Variants in PLPPR1 observed in about 807,000 individuals in gnomAD.
The protein encoded by PLPPR1 is phospholipid phosphatase related 1, also known as phospholipid phosphatase-related protein type 1.
PLPPR1 carries 10 observed loss-of-function variants against 33.1 expected under a neutral mutation model. The observed-to-expected ratio is 0.30, with a 90% CI of 0.19 to 0.51. The LOEUF (loss-of-function observed/expected upper bound fraction) is 0.51, where lower values mean the gene tolerates loss of function less well. Among genes scored for constraint, PLPPR1 ranks in the 20% least tolerant of loss-of-function variants. The pLI, the probability that PLPPR1 is intolerant of heterozygous loss-of-function variation, is 0.97. For synonymous variants in PLPPR1, 151 were observed against 151.0 expected (o/e 1.00, Z 0.00); for missense variants, 304 against 408.1 (o/e 0.74, Z 2.20).
At chr9:101,262,126 A>G (rs904021252) in intron 2 of PLPPR1, among the ~76,000 whole-genome samples, 5 of 152,222 alleles carry the variant, frequency 3.3e-5, no homozygotes, top group African/African-American at 1.2e-4. Context: ...AAAGATACAC[A>G]GTCTATCTAC....
chr9:101,060,715 G>A (rs1830336433), intron 1 of PLPPR1, among the ~76,000 whole-genome samples: 1 of 151,388 alleles, frequency 6.6e-6, no homozygotes, highest in African/African-American at 2.4e-5. Flanking sequence ...CAAGATACAG[G>A]GATTTTATAC....
At chr9:101,127,035 A>G (rs1383667431) in intron 1 of PLPPR1, among the ~76,000 whole-genome samples, 2 of 117,360 alleles carry the variant, frequency 1.7e-5, no homozygotes, top group Admixed American at 1.6e-4. Flanking sequence ...CTAAAGAGTG[A>G]TAAGAAATTC....
At chr9:101,169,670 A>C (rs550277737) in intron 1 of PLPPR1, among the ~76,000 whole-genome samples, 2 of 148,846 alleles carry the variant, frequency 1.3e-5, no homozygotes, top group African/African-American at 4.9e-5. Context: ...TTTTAAAAAA[A>C]AATTGCTTTT....
At chr9:101,167,203 A>G (rs1825873835) in intron 1 of PLPPR1, among the ~76,000 whole-genome samples, 1 of 31,362 alleles carries the variant, frequency 3.2e-5, no homozygotes, top group South Asian at 1.1e-3. Context: ...TCTCTCTCAC[A>G]CACACACACA....
rs112377534 is a variant in PLPPR1, at chr9:101,219,959, T to A, written c.63+34402T>A. On this transcript the variant is annotated intron_variant, in intron 2 of 7. Transcript: ENST00000374874. ...TCATCGTGCCAGTGTCCTTTTTTCA[T>A]TTCCCCATAGTATTCTGGCAGAAAT... 1.1e-3 allele frequency among the ~76,000 whole-genome samples: 164 copies of A among 152,318 alleles called. 1 individual carries two copies. The highest frequency in any genetic ancestry group is 3.8e-3 in the African/African-American group (159 of 41,572).
intron 1 of PLPPR1, among the ~76,000 whole-genome samples, chr9:101,156,946 A>T (rs550315908): frequency 6.6e-6 from 1 of 152,208 alleles, no homozygotes; most frequent in African/African-American, 2.4e-5. Flanking sequence ...TTGTCTTTAT[A>T]TACTGGTGAG....
intron 2 of PLPPR1, among the ~76,000 whole-genome samples, chr9:101,216,191 T>C (rs1826791585): frequency 6.6e-6 from 1 of 152,204 alleles, no homozygotes; most frequent in African/African-American, 2.4e-5. Flanking sequence ...AACATTCATT[T>C]TGCCTATTTT....
At chr9:101,148,229 C>T (rs1377444402) in intron 1 of PLPPR1, among the ~76,000 whole-genome samples, 1 of 152,144 alleles carries the variant, frequency 6.6e-6, no homozygotes, top group Non-Finnish European at 1.5e-5. Flanking sequence ...TTACTTCAGT[C>T]CCATATTTCA....
chr9:101,158,584 G>A (rs1014068934), intron 1 of PLPPR1, among the ~76,000 whole-genome samples: 4 of 152,192 alleles, frequency 2.6e-5, no homozygotes, highest in Non-Finnish European at 4.4e-5. Flanking sequence ...ATCATGAGTC[G>A]CTGGAACTTA....
At chr9:101,242,125 A>G (rs866070047) in intron 2 of PLPPR1, among the ~76,000 whole-genome samples, 2 of 151,942 alleles carry the variant, frequency 1.3e-5, no homozygotes, top group Non-Finnish European at 1.5e-5. Flanking sequence ...CAGCACCAAC[A>G]TGTGTCCTCT....
intron 2 of PLPPR1, among the ~76,000 whole-genome samples, chr9:101,209,411 T>C (rs1826648471): frequency 1.3e-5 from 2 of 152,230 alleles, no homozygotes; most frequent in African/African-American, 4.8e-5. Flanking sequence ...CCAACCTTAA[T>C]TGTGGAATGA....
intron 1 of PLPPR1, among the ~76,000 whole-genome samples, chr9:101,110,838 G>T (rs982956191): frequency 1.3e-5 from 2 of 152,222 alleles, no homozygotes; most frequent in South Asian, 2.1e-4. Flanking sequence ...TTTATAAAGA[G>T]CCTTAAGATG....
chr9:101,087,829 T>C (rs779798952), intron 1 of PLPPR1, among the ~76,000 whole-genome samples: 32 of 152,364 alleles, frequency 2.1e-4, no homozygotes, highest in Admixed American at 1.2e-3. Flanking sequence ...TATTATTTTA[T>C]TCAGAATTGT....
rs112012760 is a variant in PLPPR1 at position 101,176,371 on chromosome 9, G to A, written c.-45-9079G>A. Among the ~76,000 whole-genome samples the A allele has an allele frequency of 9.2e-4, 140 of 152,096 alleles. 1 individual carries two copies. In the East Asian group the frequency reaches 0.025, roughly 28 times the overall value. ...AGCAATGAGTATCTTCCCTTCCATG[G>A]TGTTAAGAGAGAATATGTGGGGAGC... On this transcript the variant is annotated intron_variant, in intron 1 of 7. Transcript: ENST00000374874.
intron 1 of PLPPR1, among the ~76,000 whole-genome samples, chr9:101,078,850 A>AG (rs1830582034): frequency 6.6e-6 from 1 of 152,104 alleles, no homozygotes; most frequent in Admixed American, 6.5e-5. Context: ...CATACAGAAA[A>AG]ACTCAGCCCT....
intron 1 of PLPPR1, among the ~76,000 whole-genome samples, chr9:101,171,512 T>C (rs1825940635): frequency 6.6e-6 from 1 of 152,148 alleles, no homozygotes; most frequent in African/African-American, 2.4e-5. Flanking sequence ...AGAAAGAAAC[T>C]GGAGCGAAGA....
At chr9:101,214,200 G>GAATC (rs1172376684) in intron 2 of PLPPR1, among the ~76,000 whole-genome samples, 1 of 152,186 alleles carries the variant, frequency 6.6e-6, no homozygotes, top group African/African-American at 2.4e-5. Context: ...GTCCATTCAA[G>GAATC]AATCAATCAC....
intron 1 of PLPPR1, among the ~76,000 whole-genome samples, chr9:101,062,149 G>GGTTGTGTGTGTGTGTGT (rs374602198): frequency 6.7e-6 from 1 of 148,446 alleles, no homozygotes; most frequent in African/African-American, 2.5e-5. Context: ...GACAAAATGT[G>GGTTGTGTGTGTGTGTGT]GTGTGTGTGT....
intron 1 of PLPPR1, among the ~76,000 whole-genome samples, chr9:101,039,490 T>C (rs2118414840): frequency 6.6e-6 from 1 of 152,306 alleles, no homozygotes; most frequent in East Asian, 1.9e-4. Context: ...GACATAGTGC[T>C]TAGAACCATT....
Sources: gnomAD v4.1 joint callset for allele counts (sites outside exome capture counted in the v4.1 genomes callset) on GRCh38, gnomAD v4.1.1 for gene constraint, MANE v1.5 for transcripts, NCBI Gene and HGNC (gene_info 2026-07-23, HGNC 2026-07-21) for gene names.